Variants in CDH13 observed in about 807,000 individuals in gnomAD.
The protein encoded by CDH13 is cadherin 13.
A neutral mutation model predicts 63.8 loss-of-function variants in CDH13; 24 were observed. That is an observed-to-expected ratio of 0.38 (90% confidence interval 0.27 to 0.53). The LOEUF (loss-of-function observed/expected upper bound fraction) is 0.53, where lower values mean the gene tolerates loss of function less well. Among genes scored for constraint, CDH13 ranks in the 20% least tolerant of loss-of-function variants. The probability of loss-of-function intolerance (pLI) is 0.85; values close to 1 mark genes in which losing one functional copy is unlikely to be tolerated. For missense variants in CDH13, 1,049 were observed against 903.1 expected (o/e 1.16, Z -2.07); for synonymous variants, 503 against 355.3 (o/e 1.42, Z -4.67).
At chr16:83,305,330 C>T (rs1049825692) in intron 5 of CDH13, among the ~76,000 whole-genome samples, 1 of 152,218 alleles carries the variant, frequency 6.6e-6, no homozygotes, top group Non-Finnish European at 1.5e-5. Context: ...TGTTTCTAGG[C>T]ATCCAGCTAT....
chr16:83,710,897 G>A (rs917233706), intron 10 of CDH13, among the ~76,000 whole-genome samples: 1 of 152,186 alleles, frequency 6.6e-6, no homozygotes, highest in Admixed American at 6.5e-5. Flanking sequence ...GGACAGACTC[G>A]ATCATCGTTG....
chr16:83,423,525 A>G (rs2071782210), intron 6 of CDH13, among the ~76,000 whole-genome samples: 1 of 152,044 alleles, frequency 6.6e-6, no homozygotes, highest in Non-Finnish European at 1.5e-5. Context: ...AAAACCTCAA[A>G]TGGGTAGAAT....
intron 5 of CDH13, among the ~76,000 whole-genome samples, chr16:83,323,179 TTTCTTTCTTTCTTTCTTTCTTTCTTTC>T (rs2090274102): frequency 3.1e-4 from 29 of 93,522 alleles, no homozygotes; most frequent in African/African-American, 1.1e-3. Flanking sequence ...TTCTTTTTTC[TTTCTTTCTTTCTTTCTTTCTTTCTTTC>T]TTTCTTTCTT....
intron 6 of CDH13, among the ~76,000 whole-genome samples, chr16:83,441,297 T>G (rs2151495443): frequency 6.6e-6 from 1 of 152,286 alleles, no homozygotes; most frequent in African/African-American, 2.4e-5. Flanking sequence ...GAATACTGTA[T>G]ATCCATTTGA....
chr16:82,723,780 C>T (rs148266411), intron 1 of CDH13, among the ~76,000 whole-genome samples: 84 of 152,140 alleles, frequency 5.5e-4, no homozygotes, highest in Middle Eastern at 3.4e-3. Context: ...ATTTAGCCTA[C>T]CTTGAGTAAT....
At chr16:83,319,874 T>C (rs1211578727) in intron 5 of CDH13, among the ~76,000 whole-genome samples, 1 of 152,214 alleles carries the variant, frequency 6.6e-6, no homozygotes, top group African/African-American at 2.4e-5. Context: ...GTTCTTCACC[T>C]GCTCGTTCAA....
chr16:82,737,946 C>G (rs112934829), intron 1 of CDH13, among the ~76,000 whole-genome samples: 1 of 152,188 alleles, frequency 6.6e-6, no homozygotes, highest in African/African-American at 2.4e-5. Context: ...TTATGCCCCT[C>G]CAGTGTTTGT....
At chr16:82,906,268 C>G (rs554886107) in intron 2 of CDH13, among the ~76,000 whole-genome samples, 5 of 152,332 alleles carry the variant, frequency 3.3e-5, no homozygotes, top group African/African-American at 7.2e-5. Flanking sequence ...AATCTCCCCA[C>G]TAAGCTTATA....
At chr16:82,643,850 C>T (rs776516248) in intron 1 of CDH13, among the ~76,000 whole-genome samples, 2 of 152,000 alleles carry the variant, frequency 1.3e-5, no homozygotes, top group Non-Finnish European at 2.9e-5. Flanking sequence ...TCAAGCAACC[C>T]TCTTGCCTCA....
chr16:83,566,557 G>A (rs1300954185), intron 7 of CDH13, among the ~76,000 whole-genome samples: 1 of 152,084 alleles, frequency 6.6e-6, no homozygotes, highest in Non-Finnish European at 1.5e-5. Context: ...GGTGCAGCAA[G>A]CCGTTTTGTG....
At chr16:83,237,589 T>G (rs996619582) in intron 5 of CDH13, among the ~76,000 whole-genome samples, 1 of 152,276 alleles carries the variant, frequency 6.6e-6, no homozygotes, top group East Asian at 1.9e-4. Flanking sequence ...TAGCTGCATT[T>G]GGCTGATGGC....
At chr16:83,149,094 C>G (rs768364008) in intron 4 of CDH13, among the ~76,000 whole-genome samples, 19 of 152,142 alleles carry the variant, frequency 1.2e-4, no homozygotes. Flanking sequence ...TATCTTGTTA[C>G]TATGGCTACA....
intron 5 of CDH13, among the ~76,000 whole-genome samples, chr16:83,332,991 A>G (rs2090510631): frequency 1.3e-5 from 2 of 152,232 alleles, no homozygotes; most frequent in South Asian, 4.1e-4. Flanking sequence ...TTCAAAGAAC[A>G]TTTGATAATA....
At chr16:82,937,184 C>G (rs982764796) in intron 2 of CDH13, among the ~76,000 whole-genome samples, 1 of 152,112 alleles carries the variant, frequency 6.6e-6, no homozygotes, top group Admixed American at 6.6e-5. Context: ...CATTGTTTTG[C>G]TTTTTCTTTT....
chr16:83,766,146 C>T (rs183397115), intron 11 of CDH13, among the ~76,000 whole-genome samples: 5 of 152,312 alleles, frequency 3.3e-5, no homozygotes, highest in Non-Finnish European at 7.4e-5. Flanking sequence ...CTGGTATGGG[C>T]ACCCTGTTCT....
At chr16:83,252,537 A>T (rs959785495) in intron 5 of CDH13, among the ~76,000 whole-genome samples, 7 of 152,052 alleles carry the variant, frequency 4.6e-5, no homozygotes, top group Non-Finnish European at 1.0e-4. Flanking sequence ...TCATGCTAAG[A>T]ATGGAAGGGG....
chr16:83,206,596 C>T (rs1408451408), intron 4 of CDH13, among the ~76,000 whole-genome samples: 1 of 152,222 alleles, frequency 6.6e-6, no homozygotes, highest in Non-Finnish European at 1.5e-5. Flanking sequence ...TCACTGTGTG[C>T]CAGAAACTGG....
intron 1 of CDH13, among the ~76,000 whole-genome samples, chr16:82,674,460 C>G (rs556961822): frequency 6.6e-6 from 1 of 152,180 alleles, no homozygotes; most frequent in Non-Finnish European, 1.5e-5. Flanking sequence ...GGGAAAATTT[C>G]TTTTCATTCT....
chr16:83,193,640 G>A (rs1278602623), intron 4 of CDH13, among the ~76,000 whole-genome samples: 2 of 152,194 alleles, frequency 1.3e-5, no homozygotes, highest in African/African-American at 4.8e-5. Context: ...GAGCTTGAGA[G>A]CTCCTGTCTT....
Sources: allele counts gnomAD v4.1 joint callset (sites outside exome capture counted in the v4.1 genomes callset), GRCh38; gene constraint gnomAD v4.1.1; transcripts MANE v1.5; gene names NCBI Gene and HGNC (gene_info 2026-07-23, HGNC 2026-07-21).